NBEAL1: variants seen among roughly 807,000 people sequenced by gnomAD.
NBEAL1 encodes the protein neurobeachin like 1.
In NBEAL1, 273 loss-of-function variants were observed where a neutral mutation model predicts 351.3. The ratio of observed to expected loss-of-function variants is 0.78; its 90% CI spans 0.70 to 0.86. The LOEUF is 0.86. Ranked by LOEUF, NBEAL1 falls within the 40% of genes least tolerant of loss-of-function variation. The pLI is 0.00. For synonymous variants in NBEAL1, 1,050 were observed against 1,086.4 expected, an observed-to-expected ratio of 0.97 and a Z score of 0.66; for missense variants, 2,961 against 3,201.3, an observed-to-expected ratio of 0.92 and a Z score of 1.81.
chr2:203,124,767 C>T (rs926490440), intron 19 of NBEAL1, among the ~76,000 whole-genome samples: 5 of 152,100 alleles, frequency 3.3e-5, no homozygotes, highest in Admixed American at 3.3e-4. Context: ...TTAATCCTTG[C>T]AATACTTTAT....
At chr2:203,121,970 G>C (rs561802514) in intron 18 of NBEAL1, among the ~76,000 whole-genome samples, 2 of 152,016 alleles carry the variant, frequency 1.3e-5, no homozygotes, top group African/African-American at 4.8e-5. Context: ...ATTTTTAGTA[G>C]AGATGGGGTT....
At chr2:203,202,371 T>G (rs1057070972) in intron 50 of NBEAL1, among the ~76,000 whole-genome samples, 1 of 152,218 alleles carries the variant, frequency 6.6e-6, no homozygotes, top group African/African-American at 2.4e-5. Context: ...GAAAGCAAAG[T>G]AGCATATGAA....
chr2:203,162,665 GC>G (rs2064002717), intron 36 of NBEAL1, among the ~76,000 whole-genome samples: 2 of 152,108 alleles, frequency 1.3e-5, no homozygotes, highest in Admixed American at 1.3e-4. Context: ...GAATGTTTGA[GC>G]CTGGAAGGTG....
intron 7 of NBEAL1, among the ~76,000 whole-genome samples, chr2:203,070,037 A>C (rs1180938645): frequency 1.3e-5 from 2 of 152,120 alleles, no homozygotes; most frequent in Non-Finnish European, 2.9e-5. Context: ...ATTGATTTTT[A>C]TATCCTTGTT....
intron 2 of NBEAL1, among the ~76,000 whole-genome samples, chr2:203,041,293 T>TG (rs1314756313): frequency 2.0e-5 from 3 of 152,212 alleles, no homozygotes; most frequent in African/African-American, 7.2e-5. Flanking sequence ...GGCCTTGTTT[T>TG]GAAAAGACTT....
chr2:203,130,047 C>T (rs1353103684), intron 24 of NBEAL1, among the ~76,000 whole-genome samples: 2 of 152,102 alleles, frequency 1.3e-5, no homozygotes, highest in African/African-American at 4.8e-5. Context: ...CCTGCAGTAC[C>T]AGCTACCTGG....
intron 7 of NBEAL1, among the ~76,000 whole-genome samples, chr2:203,070,546 A>G (rs1235476619): frequency 6.6e-6 from 1 of 152,012 alleles, no homozygotes; most frequent in Non-Finnish European, 1.5e-5. Context: ...TCGTTCCCAC[A>G]CTGCCATAAA....
At chr2:203,064,178 C>A (rs1276538536) in intron 6 of NBEAL1, among the ~76,000 whole-genome samples, 3 of 152,070 alleles carry the variant, frequency 2.0e-5, no homozygotes, top group Non-Finnish European at 4.4e-5. Context: ...CTCAGCCTCC[C>A]AAGTAGCTGG....
intron 1 of NBEAL1, among the ~76,000 whole-genome samples, 175 bp downstream of exon 1, chr2:203,015,157 A>C (rs2060655684): frequency 6.6e-6 from 1 of 151,896 alleles, no homozygotes; most frequent in African/African-American, 2.4e-5. Context: ...CGGTCGGGAG[A>C]CGCCGAGTCC....
chr2:203,184,330 C>G (rs1386924859), intron 44 of NBEAL1, among the ~76,000 whole-genome samples: 1 of 152,064 alleles, frequency 6.6e-6, no homozygotes, highest in African/African-American at 2.4e-5. Flanking sequence ...ACTCAGGAGG[C>G]TGAGGTAAGA....
chr2:203,030,933 C>T (rs575993798), intron 2 of NBEAL1, among the ~76,000 whole-genome samples: 130 of 152,110 alleles, frequency 8.5e-4, no homozygotes, highest in Non-Finnish European at 1.6e-3. Flanking sequence ...GAGGATCACT[C>T]GAACCCAGTA....
At chr2:203,068,361 G>T (rs1449527264) in intron 6 of NBEAL1, 32 bp from the exon 7 acceptor site, 1 of 1,181,232 alleles carries the variant, frequency 8.5e-7, no homozygotes, top group Non-Finnish European at 1.2e-6. Flanking sequence ...TGCCCATGTT[G>T]TAACTTATTA....
At position 203,015,794 on chromosome 2, in the gene NBEAL1, G is replaced by C. The variant is rs537049904; in HGVS notation, c.-229-362G>C. The C allele has an allele frequency of 2.0e-5, 3 of 152,640 alleles. No homozygotes were observed. In the East Asian group the frequency reaches 5.8e-4, roughly 29 times the overall value. The allele number at this position is 152,640 out of a possible 1,614,324, so 9.5% of individuals were successfully genotyped here. ...AACTTTGAAGAGGAGACCAGAACAAGAACATTCTAAGAGCTTTGATGTATT... is the reference window on the plus strand; with the variant it reads ...AACTTTGAAGAGGAGACCAGAACAACAACATTCTAAGAGCTTTGATGTATT... On this transcript the variant is annotated intron_variant, in intron 1 of 55. Transcript: ENST00000683969.
chr2:203,136,540 G>A (rs2063213178), intron 28 of NBEAL1, 59 bp from the exon 29 acceptor site: 1 of 1,231,158 alleles, frequency 8.1e-7, no homozygotes, highest in African/African-American at 1.5e-5. Context: ...TGGTTCTTAT[G>A]ATGTGCTTTG....
chr2:203,138,598 C>T, intron 30 of NBEAL1, 22 bp from the exon 31 acceptor site: 3 of 1,565,212 alleles, frequency 1.9e-6, no homozygotes, highest in Non-Finnish European at 2.6e-6. Context: ...TTTTATTTCT[C>T]AATTTTTTTC....
chr2:203,128,269 T>C (rs1242689331), intron 24 of NBEAL1, among the ~76,000 whole-genome samples: 1 of 147,756 alleles, frequency 6.8e-6, no homozygotes, highest in African/African-American at 2.5e-5. Flanking sequence ...TGCCTTTTTT[T>C]TTTTTTTTTT....
rs926546238 is a variant in NBEAL1 at position 203,103,580 on chromosome 2, G to A, written c.1270-3840G>A. The stretch of plus-strand genomic sequence containing the variant: ...AGCCATTGTGCCCGGCCTATCTTTC[G>A]TATGGTTTTTGATGTCTCAATTTCC... On this transcript the variant is annotated intron_variant, in intron 12 of 55. Coordinates refer to ENST00000683969, the MANE Select transcript of NBEAL1 (RefSeq NM_001378026.1). Among the ~76,000 whole-genome samples the A allele has an allele frequency of 7.2e-5, 11 of 151,988 alleles. No homozygotes were observed. The East Asian group carries it at 1.5e-3, about 21-fold the overall frequency.
chr2:203,159,285 A>G (rs2063883643), intron 36 of NBEAL1, among the ~76,000 whole-genome samples: 3 of 152,196 alleles, frequency 2.0e-5, no homozygotes, highest in Middle Eastern at 3.4e-3. Flanking sequence ...TGTTTTCACA[A>G]GTTTGTGCAA....
At position 203,220,428 on chromosome 2, in the gene NBEAL1, G is replaced by A. The variant is rs539720190; in HGVS notation, c.*3074G>A. 3.0e-4 allele frequency among the ~76,000 whole-genome samples: 45 copies of A among 151,676 alleles called. No homozygotes were observed. Among genetic ancestry groups the A allele is most frequent in the African/African-American group, 1.1e-3 (45 of 41,348 alleles). The stretch of plus-strand genomic sequence containing the variant: ...GAACCCAGGAGGCAGAGGTTGCAGT[G>A]AGCCAAAATCGCACCACTGCACTCC... On this transcript the variant is annotated 3_prime_UTR_variant, in exon 56 of 56. Transcript: ENST00000683969.
Sources: allele counts gnomAD v4.1 joint callset (sites outside exome capture counted in the v4.1 genomes callset), GRCh38; gene constraint gnomAD v4.1.1; transcripts MANE v1.5; gene names NCBI Gene and HGNC (gene_info 2026-07-23, HGNC 2026-07-21).